COL22A1: variants seen among roughly 807,000 people sequenced by gnomAD.
COL22A1 encodes the protein collagen alpha-1(XXII) chain.
In COL22A1, 221 loss-of-function variants were observed where a neutral mutation model predicts 248.9. That is an observed-to-expected ratio of 0.89 (90% CI 0.80 to 0.99). The LOEUF (loss-of-function observed/expected upper bound fraction) is 0.99. Ranked by LOEUF, COL22A1 falls within the 50% of genes least tolerant of loss-of-function variation. The pLI is 0.00. For missense variants in COL22A1, 2,240 were observed against 2,179.0 expected (o/e 1.03, Z -0.56); for synonymous variants, 891 against 793.4 (o/e 1.12, Z -2.07).
chr8:138,710,876 A>C (rs1159794229), intron 30 of COL22A1, among the ~76,000 whole-genome samples: 1 of 152,090 alleles, frequency 6.6e-6, no homozygotes, highest in Admixed American at 6.6e-5. Context: ...ATCTCATCTA[A>C]ACCAATTTAC....
At chr8:138,909,382 T>A (rs141949385) in intron 1 of COL22A1, among the ~76,000 whole-genome samples, 152 of 152,090 alleles carry the variant, frequency 1.0e-3, no homozygotes, top group African/African-American at 3.6e-3. Context: ...TGCCTTTTTT[T>A]TTTTTTCTTT....
At chr8:138,757,047 GCA>G (rs1463147256) in intron 18 of COL22A1, among the ~76,000 whole-genome samples, 5 of 152,078 alleles carry the variant, frequency 3.3e-5, no homozygotes, top group African/African-American at 1.2e-4. Context: ...GCACACACGT[GCA>G]CACACACGAG....
chr8:138,738,242 C>T (rs1432066556), intron 22 of COL22A1, among the ~76,000 whole-genome samples: 13 of 152,142 alleles, frequency 8.5e-5, no homozygotes, highest in Admixed American at 4.6e-4. Flanking sequence ...TGGGAATCCA[C>T]GCTTCAGTGC....
chr8:138,819,051 C>A (rs1250796401), intron 7 of COL22A1, among the ~76,000 whole-genome samples: 1 of 152,174 alleles, frequency 6.6e-6, no homozygotes. Context: ...CTCCTCTCCC[C>A]ACTACCCCTG....
chr8:138,716,665 TG>T (rs1403941734), intron 28 of COL22A1, among the ~76,000 whole-genome samples, 159 bp downstream of exon 28: 6 of 152,194 alleles, frequency 3.9e-5, no homozygotes, highest in African/African-American at 1.4e-4. Flanking sequence ...TCGTGACATC[TG>T]TTCAATTGTT....
chr8:138,651,862 A>T (rs1489666906), intron 45 of COL22A1, among the ~76,000 whole-genome samples: 2 of 152,202 alleles, frequency 1.3e-5, no homozygotes, highest in Non-Finnish European at 2.9e-5. Context: ...TCCATAACAT[A>T]AAAAGATTAT....
chr8:138,602,078 G>C (rs772732964), intron 60 of COL22A1, 37 bp downstream of exon 60: 1 of 1,613,008 alleles, frequency 6.2e-7, no homozygotes, highest in South Asian at 1.1e-5. Flanking sequence ...CAAAGGTCGC[G>C]TTCGGCGTGT....
chr8:138,625,520 G>A (rs1421103029), intron 51 of COL22A1, among the ~76,000 whole-genome samples: 1 of 152,164 alleles, frequency 6.6e-6, no homozygotes, highest in South Asian at 2.1e-4. Flanking sequence ...CGACTCTAAT[G>A]AGAAGGATAT....
At chr8:138,648,287 A>G (rs1228426479) in intron 46 of COL22A1, among the ~76,000 whole-genome samples, 1 of 152,206 alleles carries the variant, frequency 6.6e-6, no homozygotes, top group Admixed American at 6.5e-5. Context: ...TGGCATGCCC[A>G]CGGGGTCTAT....
chr8:138,759,597 T>C (rs1833280665), intron 18 of COL22A1, among the ~76,000 whole-genome samples: 1 of 152,184 alleles, frequency 6.6e-6, no homozygotes, highest in South Asian at 2.1e-4. Flanking sequence ...CCCTCAATGC[T>C]TAGGAAGGCT....
intron 30 of COL22A1, among the ~76,000 whole-genome samples, chr8:138,708,123 A>G (rs906921012): frequency 6.6e-6 from 1 of 152,352 alleles, no homozygotes; most frequent in African/African-American, 2.4e-5. Context: ...ACCACTGCTC[A>G]AGGAAATAAA....
At chr8:138,764,004 T>C (rs1287114834) in intron 16 of COL22A1, among the ~76,000 whole-genome samples, 3 of 152,230 alleles carry the variant, frequency 2.0e-5, no homozygotes, top group South Asian at 2.1e-4. Context: ...TGGAAGATTA[T>C]ATATACAAAT....
At chr8:138,617,067 T>C in intron 53 of COL22A1, 109 bp from the exon 54 acceptor site, 1 of 1,164,936 alleles carries the variant, frequency 8.6e-7, no homozygotes, top group Non-Finnish European at 1.3e-6. Context: ...CGCTCATTCT[T>C]TACCATTTGC....
intron 6 of COL22A1, among the ~76,000 whole-genome samples, chr8:138,822,914 C>T (rs1819265563): frequency 6.6e-6 from 1 of 152,214 alleles, no homozygotes; most frequent in Non-Finnish European, 1.5e-5. Context: ...TAGCTTCCTC[C>T]TGTGGCTGAT....
chr8:138,645,262 G>A lies in COL22A1; in HGVS notation c.3501+1367C>T, dbSNP rs149453273. On this transcript the variant is annotated intron_variant, in intron 47 of 64. Transcript: ENST00000303045. The stretch of plus-strand genomic sequence containing the variant: ...GTACAGCCAGAGGACCACTCAGAAC[G>A]TGCTTATGAGTAACGCCTCTTCCCA... Among the ~76,000 whole-genome samples, 541 of 152,208 alleles carry A rather than the reference G, an allele frequency of 3.6e-3. 4 individuals carry two copies. Among genetic ancestry groups the A allele is most frequent in the African/African-American group, 0.012 (518 of 41,532 alleles).
chr8:138,909,181 T>C (rs748331929), intron 1 of COL22A1, among the ~76,000 whole-genome samples: 5 of 152,330 alleles, frequency 3.3e-5, no homozygotes, highest in Non-Finnish European at 5.9e-5. Flanking sequence ...TGTTTTATTA[T>C]AGGAATAACA....
intron 3 of COL22A1, among the ~76,000 whole-genome samples, chr8:138,854,513 T>G (rs748757105): frequency 1.3e-5 from 2 of 152,170 alleles, no homozygotes; most frequent in Non-Finnish European, 2.9e-5. Flanking sequence ...AGGCCAGGTC[T>G]GACTAAGGTG....
At chr8:138,840,555 A>ACGCG (rs1476826874) in intron 4 of COL22A1, among the ~76,000 whole-genome samples, 1,745 of 150,910 alleles carry the variant, frequency 0.012, 28 homozygotes, top group African/African-American at 0.04. Flanking sequence ...ACACACACAC[A>ACGCG]CACGCGCTCC....
chr8:138,618,596 C>T (rs1055917458), intron 53 of COL22A1, among the ~76,000 whole-genome samples: 7 of 152,078 alleles, frequency 4.6e-5, no homozygotes, highest in Non-Finnish European at 8.8e-5. Context: ...TTTAAGAGAA[C>T]AGAAAATTTA....
Sources: allele counts gnomAD v4.1 joint callset (sites outside exome capture counted in the v4.1 genomes callset), GRCh38; gene constraint gnomAD v4.1.1; transcripts MANE v1.5; gene names NCBI Gene and HGNC (gene_info 2026-07-23, HGNC 2026-07-21).